MYO9B: variants seen among roughly 807,000 people sequenced by gnomAD.
The protein encoded by MYO9B is myosin IXB.
MYO9B carries 71 observed loss-of-function variants against 229.5 expected under a neutral mutation model. The ratio of observed to expected loss-of-function variants is 0.31; its 90% CI spans 0.26 to 0.38. The LOEUF is 0.38. Among genes scored for constraint, MYO9B ranks in the 10% least tolerant of loss-of-function variants. The probability of loss-of-function intolerance (pLI) is 1.00; values close to 1 mark genes in which losing one functional copy is unlikely to be tolerated. For synonymous variants in MYO9B, 1,185 were observed against 1,235.8 expected, an observed-to-expected ratio of 0.96 and a Z score of 0.86; for missense variants, 2,255 against 2,920.5, an observed-to-expected ratio of 0.77 and a Z score of 5.25.
chr19:17,134,020 C>T (rs1293239431), intron 2 of MYO9B, among the ~76,000 whole-genome samples: 4 of 152,174 alleles, frequency 2.6e-5, no homozygotes, highest in South Asian at 4.1e-4. Context: ...CTCGGCCTCC[C>T]AAAGTGCTGG....
chr19:17,112,979 T>C (rs2057863349), intron 2 of MYO9B, among the ~76,000 whole-genome samples: 1 of 152,172 alleles, frequency 6.6e-6, no homozygotes. Context: ...CGGAGGAGGC[T>C]CAGGGTCAGG....
intron 19 of MYO9B, among the ~76,000 whole-genome samples, chr19:17,188,537 C>T (rs904807888): frequency 4.6e-5 from 7 of 152,046 alleles, no homozygotes; most frequent in East Asian, 1.9e-4. Context: ...TTCCCTTTCA[C>T]GCTTTCCCTT....
intron 10 of MYO9B, among the ~76,000 whole-genome samples, chr19:17,163,737 T>G (rs1032753143): frequency 6.6e-6 from 1 of 152,202 alleles, no homozygotes; most frequent in Admixed American, 6.5e-5. Context: ...ATTATTTGTC[T>G]TTTTGTGACT....
intron 2 of MYO9B, among the ~76,000 whole-genome samples, chr19:17,109,861 T>G (rs1000109256): frequency 2.0e-5 from 3 of 152,214 alleles, no homozygotes; most frequent in Admixed American, 6.5e-5. Flanking sequence ...AAGACCCCGT[T>G]TCCAGATAAA....
intron 1 of MYO9B, chr19:17,095,695 A>G (rs1024354449): frequency 3.3e-5 from 5 of 152,292 alleles, no homozygotes; most frequent in Admixed American, 3.3e-4. Flanking sequence ...GCTGCTTTCT[A>G]TTCTTTTGGG....
At chr19:17,208,867 A>C (rs1410246501) in intron 35 of MYO9B, among the ~76,000 whole-genome samples, 1 of 151,808 alleles carries the variant, frequency 6.6e-6, no homozygotes, top group East Asian at 1.9e-4. Flanking sequence ...CTCCAGACTG[A>C]GTCCCTCTGG....
At chr19:17,164,484 G>T (rs1024638726) in intron 10 of MYO9B, among the ~76,000 whole-genome samples, 2 of 151,724 alleles carry the variant, frequency 1.3e-5, no homozygotes, top group Non-Finnish European at 2.9e-5. Context: ...TGGTTCAAGC[G>T]ATTCTCTTGC....
At chr19:17,107,399 G>T (rs1158557572) in intron 2 of MYO9B, among the ~76,000 whole-genome samples, 2 of 152,214 alleles carry the variant, frequency 1.3e-5, no homozygotes, top group African/African-American at 4.8e-5. Context: ...CGGCCAGGAG[G>T]CAGGATTGCC....
chr19:17,113,828 G>A (rs993348439), intron 2 of MYO9B, among the ~76,000 whole-genome samples: 5 of 152,130 alleles, frequency 3.3e-5, no homozygotes, highest in East Asian at 1.9e-4. Flanking sequence ...GGCAGGAGAC[G>A]GGGCAGGGCA....
chr19:17,149,956 T>G (rs1191244040), intron 3 of MYO9B, among the ~76,000 whole-genome samples: 1 of 152,066 alleles, frequency 6.6e-6, no homozygotes. Context: ...ACAGCCTCCC[T>G]CCCCAGGAAT....
chr19:17,157,013 T>C lies in MYO9B; in HGVS notation c.1304T>C (p.Leu435Pro). Reference sequence around the variant, plus strand: ...TTGGAGGTCGGGCCACCCGAGGTGCTGGACACCCTGTCGCAGCTTCTGAAG... The same window carrying C: ...TTGGAGGTCGGGCCACCCGAGGTGCCGGACACCCTGTCGCAGCTTCTGAAG... ...EGLEVGPPEV[L>P]DTLSQLLKVK... is the part of the protein sequence containing the mutation. Residue 435 changes from leucine to proline, a missense_variant, in exon 7 of 40, where the codon CTG becomes CCG. Around this residue, in one of 7 missense-constraint regions of MYO9B, gnomAD observed 220 missense variants for 404.5 expected, o/e 0.54. Transcript: ENST00000682292. 1.2e-6 allele frequency: 2 copies of C among 1,613,714 alleles called. No individual in the cohort carries two copies. The highest frequency in any genetic ancestry group is 1.1e-5 in the South Asian group (1 of 91,066).
intron 2 of MYO9B, among the ~76,000 whole-genome samples, chr19:17,141,253 C>T (rs1306646242): frequency 6.6e-6 from 1 of 152,134 alleles, no homozygotes; most frequent in Non-Finnish European, 1.5e-5. Context: ...TGCTTGGCCA[C>T]CACCTACCCC....
At chr19:17,171,251 C>T (rs2072721727) in intron 11 of MYO9B, among the ~76,000 whole-genome samples, 12 of 152,198 alleles carry the variant, frequency 7.9e-5, no homozygotes, top group Admixed American at 7.9e-4. Context: ...GCTCAGGCAG[C>T]ATTTGCCAAA....
chr19:17,085,612 C>A (rs2057574710), intron 1 of MYO9B, among the ~76,000 whole-genome samples: 1 of 151,810 alleles, frequency 6.6e-6, no homozygotes. Context: ...TCACTTGAGC[C>A]CAGAAGTTTG....
chr19:17,188,197 G>C (rs185602685), intron 19 of MYO9B, among the ~76,000 whole-genome samples, 152 bp downstream of exon 19: 1 of 152,086 alleles, frequency 6.6e-6, no homozygotes, highest in East Asian at 1.9e-4. Context: ...GGGAGGCTGA[G>C]GCAGGCGGAT....
intron 1 of MYO9B, among the ~76,000 whole-genome samples, chr19:17,086,770 C>G (rs886546068): frequency 1.3e-5 from 2 of 152,056 alleles, no homozygotes; most frequent in Non-Finnish European, 2.9e-5. Flanking sequence ...GTCCCAGCTA[C>G]TCGGGAGGCT....
At chr19:17,145,672 G>A (rs1354657183) in intron 3 of MYO9B, among the ~76,000 whole-genome samples, 181 bp downstream of exon 3, 2 of 152,180 alleles carry the variant, frequency 1.3e-5, no homozygotes, top group African/African-American at 4.8e-5. Context: ...GTTGAAGTAG[G>A]AAATGTGGGC....
intron 38 of MYO9B, among the ~76,000 whole-genome samples, chr19:17,211,196 G>A (rs1300978481): frequency 6.6e-6 from 1 of 151,984 alleles, no homozygotes; most frequent in Non-Finnish European, 1.5e-5. Context: ...GGCCAGGCTG[G>A]TCTTGAACTC....
intron 4 of MYO9B, among the ~76,000 whole-genome samples, chr19:17,153,152 TTG>T (rs2072497599): frequency 7.0e-6 from 1 of 142,498 alleles, no homozygotes; most frequent in Non-Finnish European, 1.5e-5. Flanking sequence ...GGTTGGTTGG[TTG>T]GGGTTTTTTT....
Sources: allele counts gnomAD v4.1 joint callset (sites outside exome capture counted in the v4.1 genomes callset), GRCh38; gene constraint gnomAD v4.1.1; regional missense constraint gnomAD v4.1.1; transcripts MANE v1.5; gene names NCBI Gene and HGNC (gene_info 2026-07-23, HGNC 2026-07-21).